DNM3: variants seen among roughly 807,000 people sequenced by gnomAD.
DNM3 encodes the protein dynamin-3.
A neutral mutation model predicts 101.6 loss-of-function variants in DNM3; 47 were observed. That is an observed-to-expected ratio of 0.46 (90% confidence interval 0.37 to 0.59). The LOEUF is 0.59. Ranked by LOEUF, DNM3 falls within the 20% of genes least tolerant of loss-of-function variation. The pLI is 0.00. For missense variants in DNM3, 849 were observed against 1,085.7 expected (o/e 0.78, Z 3.06); for synonymous variants, 385 against 387.9 (o/e 0.99, Z 0.09).
intron 1 of DNM3, among the ~76,000 whole-genome samples, chr1:171,885,866 G>A (rs1427594745): frequency 6.6e-6 from 1 of 152,154 alleles, no homozygotes; most frequent in South Asian, 2.1e-4. Context: ...TGAGGGTTAG[G>A]GGGTGGATAG....
chr1:172,065,060 G>A (rs1259753459), intron 10 of DNM3, among the ~76,000 whole-genome samples: 2 of 152,180 alleles, frequency 1.3e-5, no homozygotes, highest in African/African-American at 4.8e-5. Context: ...TCCTGCCAAG[G>A]CCAGTAGATT....
intron 15 of DNM3, among the ~76,000 whole-genome samples, chr1:172,296,893 A>G (rs977651623): frequency 6.6e-6 from 1 of 152,162 alleles, no homozygotes; most frequent in Non-Finnish European, 1.5e-5. Context: ...CTGTAATCCT[A>G]GCACTTTGGG....
At chr1:171,856,061 G>A (rs1042886148) in intron 1 of DNM3, among the ~76,000 whole-genome samples, 5 of 152,124 alleles carry the variant, frequency 3.3e-5, no homozygotes, top group African/African-American at 1.2e-4. Context: ...TAAGGAAGGG[G>A]TCCAGCTTCA....
rs2057209029 is a variant in DNM3, at chr1:172,136,050, A to G, written c.1659+4762A>G. Among the ~76,000 whole-genome samples, 4 of 152,228 alleles carry G rather than the reference A, an allele frequency of 2.6e-5. No individual in the cohort carries two copies. In the South Asian group the frequency reaches 6.2e-4, roughly 24 times the overall value. On this transcript the variant is annotated intron_variant, in intron 14 of 20. Coordinates refer to ENST00000627582, the MANE Select transcript of DNM3 (RefSeq NM_015569.5). ...TCCTAGGCAAGCAGAATAATGCAAC[A>G]TAGGCGTTTCCAGTGGAAATCTGCT...
chr1:172,305,323 A>G (rs933548909), intron 15 of DNM3, among the ~76,000 whole-genome samples: 1 of 152,234 alleles, frequency 6.6e-6, no homozygotes. Context: ...CCATCCTAAG[A>G]CTAAACAAGG....
chr1:172,339,422 C>G (rs2066590642), intron 17 of DNM3, among the ~76,000 whole-genome samples: 1 of 152,194 alleles, frequency 6.6e-6, no homozygotes, highest in Non-Finnish European at 1.5e-5. Context: ...CTTGCCCTGG[C>G]CTCATTATCA....
At chr1:172,181,398 A>ATG (rs2059339881) in intron 14 of DNM3, among the ~76,000 whole-genome samples, 4 of 151,356 alleles carry the variant, frequency 2.6e-5, no homozygotes, top group Admixed American at 6.6e-5. Flanking sequence ...ACACACACAC[A>ATG]CACACACACA....
chr1:172,157,142 CA>C (rs1558653773), intron 14 of DNM3, among the ~76,000 whole-genome samples: 3 of 152,002 alleles, frequency 2.0e-5, no homozygotes, highest in South Asian at 2.1e-4. Context: ...AACGTAGAAT[CA>C]GGGGGAACCC....
intron 12 of DNM3, among the ~76,000 whole-genome samples, chr1:172,085,551 T>C (rs1262476711): frequency 6.6e-6 from 1 of 152,278 alleles, no homozygotes; most frequent in East Asian, 1.9e-4. Flanking sequence ...GATATCTCTA[T>C]ACACCGCAAG....
chr1:171,875,038 A>G (rs1316732604), intron 1 of DNM3, among the ~76,000 whole-genome samples: 1 of 152,000 alleles, frequency 6.6e-6, no homozygotes, highest in Non-Finnish European at 1.5e-5. Context: ...CATGGTGTGT[A>G]GCTATCATGT....
intron 2 of DNM3, among the ~76,000 whole-genome samples, chr1:171,932,936 C>A (rs948462552): frequency 6.6e-6 from 1 of 152,178 alleles, no homozygotes; most frequent in African/African-American, 2.4e-5. Flanking sequence ...GAAGGCCTAA[C>A]GTGCTTCTTT....
intron 19 of DNM3, among the ~76,000 whole-genome samples, chr1:172,388,330 T>C (rs1441205446): frequency 6.6e-6 from 1 of 152,166 alleles, no homozygotes; most frequent in East Asian, 1.9e-4. Context: ...TATACAAATG[T>C]AGAATACAGT....
chr1:171,878,460 T>C (rs1396350137), intron 1 of DNM3, among the ~76,000 whole-genome samples: 5 of 152,138 alleles, frequency 3.3e-5, no homozygotes, highest in Middle Eastern at 3.2e-3. Flanking sequence ...AAAAAATTAT[T>C]GTAGCTGAAA....
At chr1:171,842,633 C>T (rs1290439860) in intron 1 of DNM3, among the ~76,000 whole-genome samples, 1 of 152,176 alleles carries the variant, frequency 6.6e-6, no homozygotes, top group Non-Finnish European at 1.5e-5. Context: ...CTCGCACTCT[C>T]TCTGCGCCCC....
intron 17 of DNM3, among the ~76,000 whole-genome samples, chr1:172,357,871 G>T (rs538359110): frequency 1.5e-3 from 227 of 152,040 alleles, no homozygotes; most frequent in Middle Eastern, 6.8e-3. Context: ...TCTAAGAAAG[G>T]CCATTTATAT....
At chr1:172,133,507 A>T (rs1031465512) in intron 14 of DNM3, 1 of 851,142 alleles carries the variant, frequency 1.2e-6, no homozygotes, top group Admixed American at 6.2e-5. Context: ...GGAATTATTT[A>T]GATGAAGAAA....
At chr1:172,257,048 C>T (rs1221169695) in intron 15 of DNM3, among the ~76,000 whole-genome samples, 1 of 151,940 alleles carries the variant, frequency 6.6e-6, no homozygotes, top group African/African-American at 2.4e-5. Context: ...AAATATTTCA[C>T]ATATACGTGA....
At position 172,407,754 on chromosome 1, in the gene DNM3, C is replaced by G. The variant is rs780502653; in HGVS notation, c.2523-18C>G. 6.0e-5 allele frequency: 96 copies of G among 1,611,484 alleles called. No individual in the cohort carries two copies. The highest frequency in any genetic ancestry group is 2.3e-4 in the Admixed American group (14 of 59,902). Reference sequence around the variant, plus strand: ...ATATTCTACTTGTTTCTTTACCTTTCTCTTTTTCTCTTTCTAGCCGGAGAC... The same window carrying G: ...ATATTCTACTTGTTTCTTTACCTTTGTCTTTTTCTCTTTCTAGCCGGAGAC... On this transcript the variant is annotated intron_variant, in intron 20 of 20. Coordinates refer to ENST00000627582, the MANE Select transcript of DNM3 (RefSeq NM_015569.5).
chr1:172,247,661 T>TATTTATTTATG (rs1404293918), intron 14 of DNM3, among the ~76,000 whole-genome samples: 27 of 149,144 alleles, frequency 1.8e-4, no homozygotes, highest in Non-Finnish European at 2.7e-4. Context: ...TATTTCTTAT[T>TATTTATTTATG]TATTTATTTA....
Sources: gnomAD v4.1 joint callset for allele counts (sites outside exome capture counted in the v4.1 genomes callset) on GRCh38, gnomAD v4.1.1 for gene constraint, MANE v1.5 for transcripts, NCBI Gene and HGNC (gene_info 2026-07-23, HGNC 2026-07-21) for gene names.